Variants in CERT1 observed in about 807,000 individuals in gnomAD.
CERT1 encodes ceramide transporter 1, also known as ceramide transfer protein.
CERT1 carries 31 observed loss-of-function variants against 87.9 expected under a neutral mutation model. The ratio of observed to expected loss-of-function variants is 0.35; its 90% CI spans 0.27 to 0.48. CERT1 has a LOEUF of 0.48. CERT1 is among the 20% of genes least tolerant of loss of function. The probability of loss-of-function intolerance (pLI) is 0.99; values close to 1 mark genes in which losing one functional copy is unlikely to be tolerated. For missense variants in CERT1, 487 were observed against 758.0 expected, an observed-to-expected ratio of 0.64 and a Z score of 4.20; for synonymous variants, 289 against 250.9, an observed-to-expected ratio of 1.15 and a Z score of -1.44.
rs138361812 is a variant in CERT1 at position 75,503,712 on chromosome 5, C to G, written c.231+2270G>C. On this transcript the variant is annotated intron_variant, in intron 2 of 16. Coordinates refer to ENST00000643780, the MANE Select transcript of CERT1 (RefSeq NM_001379029.1). ...GAATTCAAATTGTTTCTTGTTCCTACGCATGTCTTTTACTATGTACCACAA... is the reference window on the plus strand; with the variant it reads ...GAATTCAAATTGTTTCTTGTTCCTAGGCATGTCTTTTACTATGTACCACAA... Among the ~76,000 whole-genome samples the G allele has an allele frequency of 7.4e-3, 1,124 of 151,828 alleles. 13 individuals are homozygous for G. The highest frequency in any genetic ancestry group is 0.024 in the African/African-American group (1,007 of 41,488).
intron 8 of CERT1, among the ~76,000 whole-genome samples, chr5:75,408,781 TAAAAA>T (rs200505131): frequency 1.4e-5 from 2 of 146,800 alleles, no homozygotes; most frequent in African/African-American, 5.0e-5. Context: ...TAAAATAAAA[TAAAAA>T]AAAAAGAAAC....
chr5:75,499,297 T>C (rs1767230096), intron 2 of CERT1, among the ~76,000 whole-genome samples: 1 of 152,136 alleles, frequency 6.6e-6, no homozygotes, highest in African/African-American at 2.4e-5. Flanking sequence ...GACATGAGAT[T>C]TGGGAGGGGC....
At chr5:75,389,304 T>C (rs999218248) in intron 12 of CERT1, among the ~76,000 whole-genome samples, 1 of 152,228 alleles carries the variant, frequency 6.6e-6, no homozygotes, top group Non-Finnish European at 1.5e-5. Flanking sequence ...CAGCTAATTG[T>C]GACCTGGTCA....
intron 2 of CERT1, among the ~76,000 whole-genome samples, chr5:75,466,503 C>T (rs536740488): frequency 1.3e-5 from 2 of 152,236 alleles, no homozygotes; most frequent in South Asian, 2.1e-4. Flanking sequence ...TGTCTGAGAC[C>T]CAGCTGCACA....
intron 2 of CERT1, among the ~76,000 whole-genome samples, chr5:75,482,727 G>A (rs968420286): frequency 3.9e-5 from 6 of 152,116 alleles, no homozygotes; most frequent in South Asian, 2.1e-4. Context: ...AAGAGTTTCC[G>A]CCTGGTAATC....
rs1309637520 is a variant in CERT1 at position 75,379,034 on chromosome 5, CT to C, written c.*311del. 1.5e-5 allele frequency: 3 copies of C among 202,036 alleles called. No individual in the cohort carries two copies. The highest frequency in any genetic ancestry group is 6.9e-5 in the African/African-American group (3 of 43,204). 12.5% of individuals were successfully genotyped at this position (202,036 alleles called of 1,614,324 possible). A position where few individuals can be genotyped will look rare whatever the true frequency, so the allele number is the denominator to read the frequency against. The stretch of plus-strand genomic sequence containing the variant: ...ATCTCTACAAAAAATAAAAAATTAG[CT>C]GAGCATGGTGGCACATGCCTGTGGG... On this transcript the variant is annotated 3_prime_UTR_variant, in exon 17 of 17. Coordinates refer to ENST00000643780, the MANE Select transcript of CERT1 (RefSeq NM_001379029.1).
intron 7 of CERT1, among the ~76,000 whole-genome samples, 198 bp from the exon 8 acceptor site, chr5:75,411,301 A>G (rs1762925987): frequency 2.7e-5 from 4 of 150,200 alleles, no homozygotes. Flanking sequence ...ACAACCTACT[A>G]TTTATGTATG....
At chr5:75,456,301 C>A (rs1764979409) in intron 3 of CERT1, among the ~76,000 whole-genome samples, 1 of 152,076 alleles carries the variant, frequency 6.6e-6, no homozygotes, top group Non-Finnish European at 1.5e-5. Flanking sequence ...ACATATTTTA[C>A]TTTAGTACAT....
chr5:75,432,247 G>A (rs1347933367), intron 3 of CERT1, among the ~76,000 whole-genome samples: 1 of 152,068 alleles, frequency 6.6e-6, no homozygotes, highest in Non-Finnish European at 1.5e-5. Flanking sequence ...AGTAGAGACA[G>A]GGTTTTGCCA....
At chr5:75,441,653 T>C (rs1764328955) in intron 3 of CERT1, among the ~76,000 whole-genome samples, 1 of 152,186 alleles carries the variant, frequency 6.6e-6, no homozygotes, top group Non-Finnish European at 1.5e-5. Flanking sequence ...ATGCACCCAA[T>C]ATGAGTGGAA....
intron 2 of CERT1, among the ~76,000 whole-genome samples, chr5:75,499,522 T>C (rs1341530925): frequency 6.6e-6 from 1 of 152,158 alleles, no homozygotes; most frequent in East Asian, 1.9e-4. Context: ...ATTGTAAGTT[T>C]CCTGAGGCCT....
intron 2 of CERT1, among the ~76,000 whole-genome samples, chr5:75,483,173 A>AC (rs1766335125): frequency 6.6e-6 from 1 of 152,222 alleles, no homozygotes; most frequent in African/African-American, 2.4e-5. Flanking sequence ...TCCTATCTGA[A>AC]TTTAACAAAC....
chr5:75,386,787 G>A (rs1268127674), intron 12 of CERT1, among the ~76,000 whole-genome samples: 4 of 152,148 alleles, frequency 2.6e-5, no homozygotes, highest in East Asian at 3.9e-4. Flanking sequence ...TGGGACCACC[G>A]TTTTCCCAGC....
chr5:75,465,461 T>C (rs1194106647), intron 2 of CERT1, among the ~76,000 whole-genome samples: 3 of 152,234 alleles, frequency 2.0e-5, no homozygotes, highest in African/African-American at 2.4e-5. Context: ...ATGAATCCTA[T>C]TAGGTACAAA....
At chr5:75,377,273 G>C (rs1430164544), downstream of CERT1, 1 of 152,166 alleles carries the variant, frequency 6.6e-6, no homozygotes, top group Non-Finnish European at 1.5e-5. Flanking sequence ...GTGGGACACA[G>C]GGACTCCAAT....
chr5:75,397,450 C>A (rs1235311073), intron 11 of CERT1, among the ~76,000 whole-genome samples: 1 of 152,162 alleles, frequency 6.6e-6, no homozygotes, highest in African/African-American at 2.4e-5. Context: ...GATATAGTTA[C>A]CTGGACTTAA....
intron 3 of CERT1, among the ~76,000 whole-genome samples, chr5:75,458,168 A>G (rs1387097863): frequency 6.6e-6 from 1 of 152,214 alleles, no homozygotes; most frequent in Non-Finnish European, 1.5e-5. Flanking sequence ...TTACTGAATT[A>G]GCTAATAATA....
upstream of CERT1, chr5:75,511,841 G>A: frequency 1.3e-6 from 2 of 1,548,108 alleles, no homozygotes; most frequent in Admixed American, 2.0e-5. Flanking sequence ...CAGCTGTGCT[G>A]CATTCTGGGA....
At chr5:75,462,299 C>G (rs1765266313) in intron 2 of CERT1, among the ~76,000 whole-genome samples, 1 of 152,186 alleles carries the variant, frequency 6.6e-6, no homozygotes, top group South Asian at 2.1e-4. Flanking sequence ...GACAGTTTTT[C>G]CAAAGACAGG....
Sources: allele counts gnomAD v4.1 joint callset (sites outside exome capture counted in the v4.1 genomes callset), GRCh38; gene constraint gnomAD v4.1.1; transcripts MANE v1.5; gene names NCBI Gene and HGNC (gene_info 2026-07-23, HGNC 2026-07-21).